Variants in KCNK1 observed in about 807,000 individuals in gnomAD.
KCNK1 encodes the protein potassium two pore domain channel subfamily K member 1, also known as potassium channel subfamily K member 1.
KCNK1 carries 10 observed loss-of-function variants against 22.2 expected under a neutral mutation model. The observed-to-expected ratio is 0.45, with a 90% confidence interval of 0.28 to 0.76. The LOEUF is 0.76. Ranked by LOEUF, KCNK1 falls within the 30% of genes least tolerant of loss-of-function variation. The pLI, the probability that KCNK1 is intolerant of heterozygous loss-of-function variation, is 0.14. For synonymous variants in KCNK1, 200 were observed against 186.4 expected, an observed-to-expected ratio of 1.07 and a Z score of -0.60; for missense variants, 378 against 421.0, an observed-to-expected ratio of 0.90 and a Z score of 0.89.
chr1:233,661,821 TA>T (rs1658397433), intron 1 of KCNK1: 1 of 152,232 alleles, frequency 6.6e-6, no homozygotes, highest in Non-Finnish European at 1.5e-5. Flanking sequence ...ATCTTGAAGT[TA>T]ACTTTTTAAA....
chr1:233,619,739 A>G (rs993786471), intron 1 of KCNK1, among the ~76,000 whole-genome samples: 2 of 152,034 alleles, frequency 1.3e-5, no homozygotes, highest in Admixed American at 1.3e-4. Flanking sequence ...GTGAAACCCC[A>G]TCTGTACTAA....
At chr1:233,649,922 T>C in intron 1 of KCNK1, 1 of 533,230 alleles carries the variant, frequency 1.9e-6, no homozygotes, top group Non-Finnish European at 3.8e-6. Flanking sequence ...CTCTTCTGTG[T>C]TCTGCCACTA....
intron 2 of KCNK1, among the ~76,000 whole-genome samples, chr1:233,668,601 T>C (rs1658540082): frequency 1.3e-5 from 2 of 151,974 alleles, no homozygotes; most frequent in African/African-American, 4.8e-5. Flanking sequence ...ATAAATGACA[T>C]TGTAGAGAAT....
intron 1 of KCNK1, among the ~76,000 whole-genome samples, chr1:233,636,913 G>A (rs984258349): frequency 6.6e-5 from 10 of 151,996 alleles, no homozygotes; most frequent in African/African-American, 2.4e-4. Context: ...ATGGTGAGAT[G>A]GGGCCAGGTG....
intron 1 of KCNK1, among the ~76,000 whole-genome samples, chr1:233,646,523 G>A (rs1458403913): frequency 1.3e-5 from 2 of 151,532 alleles, no homozygotes; most frequent in East Asian, 1.9e-4. Flanking sequence ...CAGTTTTGGT[G>A]TTGGCACCAT....
At chr1:233,639,623 A>T (rs978626990) in intron 1 of KCNK1, among the ~76,000 whole-genome samples, 10 of 152,208 alleles carry the variant, frequency 6.6e-5, no homozygotes, top group Admixed American at 6.5e-4. Context: ...CAAATACTTG[A>T]TTCTCTTTCT....
chr1:233,624,439 C>T (rs1212899285), intron 1 of KCNK1, among the ~76,000 whole-genome samples: 1 of 152,048 alleles, frequency 6.6e-6, no homozygotes, highest in East Asian at 1.9e-4. Flanking sequence ...TCTGTCTTCA[C>T]CTGGCCTCAC....
At chr1:233,632,978 G>A (rs1302048172) in intron 1 of KCNK1, among the ~76,000 whole-genome samples, 2 of 151,854 alleles carry the variant, frequency 1.3e-5, no homozygotes, top group African/African-American at 4.8e-5. Flanking sequence ...TCAGTGTCTT[G>A]TGTCTGCCTG....
rs1571906186 is a variant in KCNK1 at position 233,667,010 on chromosome 1, G to A, written c.751+20G>A. ...TCACGTGTGAGTATTACAGCTCCCT[G>A]GCTGCTCCTTCTGTCTCCTTTATTT... is the stretch of plus-strand genomic sequence containing the variant. On this transcript the variant is annotated intron_variant, in intron 2 of 2. Coordinates refer to ENST00000366621, the MANE Select transcript of KCNK1 (RefSeq NM_002245.4). 2 of 1,528,180 alleles carry A rather than the reference G, an allele frequency of 1.3e-6. No homozygotes were observed. Among genetic ancestry groups the A allele is most frequent in the African/African-American group, 1.4e-5 (1 of 70,980 alleles). 94.7% of individuals were successfully genotyped at this position (1,528,180 alleles called of 1,614,324 possible).
At chr1:233,671,204 A>T in intron 2 of KCNK1, 67 bp from the exon 3 acceptor site, 4 of 1,449,428 alleles carry the variant, frequency 2.8e-6, no homozygotes, top group Non-Finnish European at 3.8e-6. Context: ...GTGGGGAGGT[A>T]AATCACTCGC....
chr1:233,668,925 A>G (rs1658546652), intron 2 of KCNK1, among the ~76,000 whole-genome samples: 2 of 152,140 alleles, frequency 1.3e-5, no homozygotes, highest in African/African-American at 2.4e-5. Context: ...TTGTATATAT[A>G]CACATTTCCT....
intron 1 of KCNK1, among the ~76,000 whole-genome samples, chr1:233,618,205 G>A (rs188332863): frequency 2.6e-5 from 4 of 152,194 alleles, no homozygotes; most frequent in Admixed American, 2.0e-4. Flanking sequence ...TTTGGGGGTC[G>A]CATGCCCTGA....
intron 1 of KCNK1, among the ~76,000 whole-genome samples, chr1:233,643,650 C>T (rs944542658): frequency 6.6e-6 from 1 of 150,598 alleles, no homozygotes; most frequent in Non-Finnish European, 1.5e-5. Flanking sequence ...GGTCTTAGAC[C>T]AGGTTGGCAG....
intron 1 of KCNK1, among the ~76,000 whole-genome samples, chr1:233,620,617 A>T (rs866637787): frequency 3.5e-4 from 53 of 152,342 alleles, no homozygotes; most frequent in African/African-American, 1.3e-3. Flanking sequence ...CATAAAATTA[A>T]ACAAGCAAAC....
At chr1:233,668,544 A>G (rs1658539228) in intron 2 of KCNK1, among the ~76,000 whole-genome samples, 1 of 152,090 alleles carries the variant, frequency 6.6e-6, no homozygotes, top group South Asian at 2.1e-4. Flanking sequence ...TAATCCAATC[A>G]TGCCTCTATT....
intron 1 of KCNK1, among the ~76,000 whole-genome samples, chr1:233,615,607 A>G (rs1657476820): frequency 6.6e-6 from 1 of 152,186 alleles, no homozygotes; most frequent in African/African-American, 2.4e-5. Context: ...CTTCCTAGTT[A>G]CCAGTGTCGT....
intron 1 of KCNK1, among the ~76,000 whole-genome samples, chr1:233,659,002 T>C (rs560650167): frequency 6.6e-6 from 1 of 152,292 alleles, no homozygotes; most frequent in South Asian, 2.1e-4. Context: ...TTTCTTCAAT[T>C]TATTTTCTTT....
intron 1 of KCNK1, among the ~76,000 whole-genome samples, chr1:233,659,409 ATTTTT>A (rs537647908): frequency 6.7e-6 from 1 of 148,934 alleles, no homozygotes; most frequent in Admixed American, 6.7e-5. Context: ...TACATTTGAC[ATTTTT>A]TTTATTTTAA....
At position 233,666,684 on chromosome 1, in the gene KCNK1, C is replaced by G; in HGVS notation, c.445C>G (p.Leu149Val). 1 of 1,614,182 alleles carries G rather than the reference C, an allele frequency of 6.2e-7. No individual in the cohort carries two copies. Residue 149 changes from leucine to valine, a missense_variant, in exon 2 of 3, where the codon CTG becomes GTG. Physicochemically the swap from Leu to Val is conservative, Grantham distance 32 (BLOSUM62 1). Coordinates refer to ENST00000366621, the MANE Select transcript of KCNK1 (RefSeq NM_002245.4). ...VIGIPFTLLF[L>V]TAVVQRITVH... ...TGGCATTCCCTTCACCCTCCTGTTC[C>G]TGACGGCTGTGGTCCAGCGCATCAC...
Sources: gnomAD v4.1 joint callset for allele counts (sites outside exome capture counted in the v4.1 genomes callset) on GRCh38, gnomAD v4.1.1 for gene constraint, MANE v1.5 for transcripts, NCBI Gene and HGNC (gene_info 2026-07-23, HGNC 2026-07-21) for gene names.